Variants in NT5C2 observed in about 807,000 individuals in gnomAD.
NT5C2 encodes cytosolic purine 5'-nucleotidase.
A neutral mutation model predicts 76.1 loss-of-function variants in NT5C2; 58 were observed. The observed-to-expected ratio is 0.76, with a 90% CI of 0.62 to 0.95. The LOEUF is 0.95. Among genes scored for constraint, NT5C2 ranks in the 40% least tolerant of loss-of-function variants. The pLI is 0.00. For synonymous variants in NT5C2, 229 were observed against 237.4 expected (o/e 0.96, Z 0.32); for missense variants, 478 against 690.3 (o/e 0.69, Z 3.45).
chr10:103,193,248 A>ACCGCAACAATCCCAGCGCG lies in NT5C2; in HGVS notation c.-200_-182dup, dbSNP rs2092790312. 1.3e-5 allele frequency: 2 copies of ACCGCAACAATCCCAGCGCG among 150,614 alleles called. No individual in the cohort carries two copies. Among genetic ancestry groups the ACCGCAACAATCCCAGCGCG allele is most frequent in the Admixed American group, 1.3e-4 (2 of 15,048 alleles). 9.3% of individuals were successfully genotyped at this position (150,614 alleles called of 1,614,324 possible). ...CCGCCGCACTCACCGGCTCCAGCGC[A>ACCGCAACAATCCCAGCGCG]CCGCAACAATCCCAGCGCGCAACTG... On this transcript the variant is annotated 5_prime_UTR_variant, in exon 1 of 19. Coordinates refer to ENST00000404739, the MANE Select transcript of NT5C2 (RefSeq NM_001351169.2).
intron 4 of NT5C2, among the ~76,000 whole-genome samples, chr10:103,122,873 T>C (rs912408113): frequency 5.9e-5 from 9 of 152,192 alleles, no homozygotes; most frequent in African/African-American, 2.2e-4. Flanking sequence ...ACCATACTTC[T>C]CTACAACTAT....
At chr10:103,102,214 G>A (rs2069893450) in intron 6 of NT5C2, among the ~76,000 whole-genome samples, 1 of 152,014 alleles carries the variant, frequency 6.6e-6, no homozygotes, top group Non-Finnish European at 1.5e-5. Context: ...TTGAATATAG[G>A]CTTGTATAGC....
intron 3 of NT5C2, among the ~76,000 whole-genome samples, chr10:103,154,750 T>A (rs1044973779): frequency 2.6e-5 from 4 of 152,182 alleles, no homozygotes; most frequent in African/African-American, 7.2e-5. Context: ...AATACTTTTT[T>A]AAAAAATCTA....
chr10:103,183,736 A>G (rs1459902880), intron 1 of NT5C2, among the ~76,000 whole-genome samples: 1 of 151,846 alleles, frequency 6.6e-6, no homozygotes, highest in Non-Finnish European at 1.5e-5. Context: ...AATGTACACT[A>G]TTCAGGTGAT....
intron 11 of NT5C2, among the ~76,000 whole-genome samples, 191 bp from the exon 12 acceptor site, chr10:103,096,171 A>G (rs2068107786): frequency 6.6e-6 from 1 of 152,204 alleles, no homozygotes; most frequent in African/African-American, 2.4e-5. Flanking sequence ...TACCAAAAAG[A>G]AAAAAAGGCT....
intron 10 of NT5C2, chr10:103,098,380 G>A (rs757194751): frequency 8.9e-6 from 2 of 223,590 alleles, no homozygotes; most frequent in Non-Finnish European, 1.7e-5. Flanking sequence ...TCTGTTGACA[G>A]GTTAAAGGCA....
In NT5C2 at chr10:103,096,000, A is replaced by C. The variant is rs755628247; in HGVS notation, c.772-20T>G. ...AATTTTCTGGAAAAAAAAATTTAAC[A>C]TAAGGTCCATATACTACTTTTGCAA... is the stretch of plus-strand genomic sequence containing the variant. On this transcript the variant is annotated intron_variant, in intron 11 of 18. Transcript: ENST00000404739. 1 of 1,599,574 alleles carries C rather than the reference A, an allele frequency of 6.3e-7. No homozygotes were observed. The highest frequency in any genetic ancestry group is 8.6e-7 in the Non-Finnish European group (1 of 1,166,848).
chr10:103,155,894 T>C (rs1033816728), intron 3 of NT5C2, among the ~76,000 whole-genome samples: 1 of 152,116 alleles, frequency 6.6e-6, no homozygotes, highest in African/African-American at 2.4e-5. Context: ...CCAGGTGCCA[T>C]GGCTCACACC....
intron 4 of NT5C2, among the ~76,000 whole-genome samples, chr10:103,116,587 C>CTTTTTTTTTTTTTTTT (rs11451961): frequency 7.9e-6 from 1 of 126,228 alleles, no homozygotes. Flanking sequence ...TTTTTTTTTT[C>CTTTTTTTTTTTTTTTT]TTTTTTTTTT....
intron 4 of NT5C2, among the ~76,000 whole-genome samples, chr10:103,109,675 C>A (rs1055661353): frequency 6.6e-6 from 1 of 152,106 alleles, no homozygotes; most frequent in Non-Finnish European, 1.5e-5. Flanking sequence ...AAAAAACAAA[C>A]CTTAATTACT....
At chr10:103,183,260 GTGATATATATATATAT>G (rs2091418135) in intron 1 of NT5C2, among the ~76,000 whole-genome samples, 1 of 38,794 alleles carries the variant, frequency 2.6e-5, no homozygotes, top group Admixed American at 4.0e-4. Flanking sequence ...ATGTGTGTGT[GTGATATATATATATAT>G]ATATATATAT....
chr10:103,178,954 C>CTTTTTTTTTTTTTTTTTTTTTTT (rs758982511), intron 2 of NT5C2, among the ~76,000 whole-genome samples: 53 of 128,468 alleles, frequency 4.1e-4, no homozygotes, highest in Non-Finnish European at 5.6e-4. Context: ...TTCTTTTTTT[C>CTTTTTTTTTTTTTTTTTTTTTTT]TTTTTTTTTT....
At chr10:103,094,570 C>T (rs1334364269) in intron 12 of NT5C2, 115 bp from the exon 13 acceptor site, 1 of 661,468 alleles carries the variant, frequency 1.5e-6, no homozygotes, top group Non-Finnish European at 2.7e-6. Flanking sequence ...CAGAAGATCC[C>T]ACTATTTTAT....
intron 3 of NT5C2, among the ~76,000 whole-genome samples, chr10:103,152,027 G>A (rs984269065): frequency 2.0e-5 from 3 of 152,092 alleles, no homozygotes; most frequent in Admixed American, 6.6e-5. Context: ...CTTTACCATA[G>A]GGTAAAAATT....
chr10:103,164,297 C>T (rs1005804973), intron 3 of NT5C2, among the ~76,000 whole-genome samples: 5 of 151,972 alleles, frequency 3.3e-5, no homozygotes, highest in Middle Eastern at 3.2e-3. Flanking sequence ...CTCACTCTGT[C>T]GCCAGGCTGG....
At chr10:103,169,277 A>G (rs2087205984) in intron 3 of NT5C2, 2 of 152,190 alleles carry the variant, frequency 1.3e-5, no homozygotes, top group Admixed American at 1.3e-4. Flanking sequence ...ATATACACAC[A>G]CACATATATA....
Position 103,098,949 on chromosome 10 carries a change from C to T in NT5C2, c.669G>A (p.Glu223=). Reference sequence around the variant, plus strand: ...TACTTACATCTTTGACTACATACTTCTCAAGATTTTCAACTGTCTTTTCCT... The same window carrying T: ...TACTTACATCTTTGACTACATACTTTTCAAGATTTTCAACTGTCTTTTCCT... ...SLKEKTVENL[E]KYVVKDGKLP... The change falls in exon 10 of 19, where the codon GAG becomes GAA. Residue 223 remains glutamate, a synonymous_variant. Coordinates refer to ENST00000404739, the MANE Select transcript of NT5C2 (RefSeq NM_001351169.2). 3.7e-6 allele frequency: 6 copies of T among 1,607,870 alleles called. No homozygotes were observed. Among genetic ancestry groups the T allele is most frequent in the Non-Finnish European group, 4.3e-6 (5 of 1,175,314 alleles).
At chr10:103,185,389 T>A (rs952711469) in intron 1 of NT5C2, among the ~76,000 whole-genome samples, 2 of 151,286 alleles carry the variant, frequency 1.3e-5, no homozygotes, top group African/African-American at 4.9e-5. Context: ...CTCACACCTA[T>A]AATCCCACCA....
At chr10:103,188,467 T>G (rs571517435) in intron 1 of NT5C2, among the ~76,000 whole-genome samples, 1 of 152,250 alleles carries the variant, frequency 6.6e-6, no homozygotes, top group South Asian at 2.1e-4. Context: ...AATATAGAGA[T>G]GAACAGCCTT....
Sources: allele counts gnomAD v4.1 joint callset (sites outside exome capture counted in the v4.1 genomes callset), GRCh38; gene constraint gnomAD v4.1.1; transcripts MANE v1.5; gene names NCBI Gene and HGNC (gene_info 2026-07-23, HGNC 2026-07-21).